CLSTN2: variants seen among roughly 807,000 people sequenced by gnomAD.
CLSTN2 encodes calsyntenin-2.
Under a neutral mutation model 101.2 loss-of-function variants are expected in CLSTN2, and 48 were observed. The ratio of observed to expected loss-of-function variants is 0.47; its 90% CI spans 0.38 to 0.60. The LOEUF (loss-of-function observed/expected upper bound fraction) is 0.60. Among genes scored for constraint, CLSTN2 ranks in the 20% least tolerant of loss-of-function variants. CLSTN2 has a pLI of 0.00. For missense variants in CLSTN2, 1,160 were observed against 1,238.2 expected (o/e 0.94, Z 0.95); for synonymous variants, 481 against 463.6 (o/e 1.04, Z -0.48).
chr3:140,048,514 A>G (rs547396368), intron 1 of CLSTN2, among the ~76,000 whole-genome samples: 15 of 152,346 alleles, frequency 9.8e-5, no homozygotes, highest in African/African-American at 1.7e-4. Context: ...GGCATTGTCC[A>G]CATTCTTTAT....
chr3:140,275,405 T>G (rs996140057), intron 2 of CLSTN2, among the ~76,000 whole-genome samples: 5 of 151,996 alleles, frequency 3.3e-5, no homozygotes, highest in African/African-American at 1.2e-4. Context: ...CTCAGCCTCC[T>G]GAGTAGCTGA....
intron 1 of CLSTN2, among the ~76,000 whole-genome samples, chr3:139,986,329 G>A (rs1454360758): frequency 2.0e-5 from 3 of 152,068 alleles, no homozygotes; most frequent in African/African-American, 7.2e-5. Context: ...GGCTTCTGAG[G>A]CACTAGATAT....
intron 2 of CLSTN2, among the ~76,000 whole-genome samples, chr3:140,355,066 C>A (rs1324710501): frequency 6.6e-6 from 1 of 152,174 alleles, no homozygotes; most frequent in Non-Finnish European, 1.5e-5. Context: ...GGGGAAGGAG[C>A]TGCACCCAGC....
chr3:140,404,447 G>T, intron 3 of CLSTN2, 111 bp from the exon 4 acceptor site: 1 of 903,322 alleles, frequency 1.1e-6, no homozygotes, highest in Non-Finnish European at 1.8e-6. Flanking sequence ...TTGGCTGATG[G>T]TTTCTCCTTT....
At chr3:140,132,620 A>G in intron 1 of CLSTN2, among the ~76,000 whole-genome samples, 1 of 152,226 alleles carries the variant, frequency 6.6e-6, no homozygotes, top group East Asian at 1.9e-4. Flanking sequence ...TGAGGATTAA[A>G]TGAGATGACA....
intron 1 of CLSTN2, among the ~76,000 whole-genome samples, chr3:140,163,235 T>C (rs1179251455): frequency 6.6e-6 from 1 of 152,158 alleles, no homozygotes; most frequent in African/African-American, 2.4e-5. Context: ...TGGATGAGCC[T>C]CATCCAATCA....
intron 8 of CLSTN2, among the ~76,000 whole-genome samples, chr3:140,478,346 A>C (rs1934032319): frequency 6.6e-6 from 1 of 152,262 alleles, no homozygotes; most frequent in East Asian, 1.9e-4. Context: ...AAAAAAAAAA[A>C]AAAAAGCTGT....
At chr3:140,511,923 GCC>G (rs1359792479) in intron 8 of CLSTN2, among the ~76,000 whole-genome samples, 1 of 151,720 alleles carries the variant, frequency 6.6e-6, no homozygotes, top group Non-Finnish European at 1.5e-5. Context: ...ATGTTTGTTG[GCC>G]ACAAGTATGT....
intron 2 of CLSTN2, among the ~76,000 whole-genome samples, chr3:140,367,116 C>T (rs2087799983): frequency 6.6e-6 from 1 of 152,178 alleles, no homozygotes. Context: ...GTGCTTTAGA[C>T]ACCAGAAGAA....
intron 2 of CLSTN2, among the ~76,000 whole-genome samples, chr3:140,381,587 C>G (rs1002496493): frequency 6.6e-6 from 1 of 152,198 alleles, no homozygotes; most frequent in Non-Finnish European, 1.5e-5. Flanking sequence ...TGTGAGTTCT[C>G]ATTGTTCCAC....
At chr3:140,476,907 CCTTGGCCTCCCAAAGTGCTG>C (rs533650146) in intron 8 of CLSTN2, among the ~76,000 whole-genome samples, 2 of 152,260 alleles carry the variant, frequency 1.3e-5, no homozygotes, top group East Asian at 3.9e-4. Flanking sequence ...GATCCACCCG[CCTTGGCCTCCCAAAGTGCTG>C]GGATTACAGG....
At chr3:140,560,964 AAATT>A (rs1428690789) in intron 12 of CLSTN2, among the ~76,000 whole-genome samples, 1 of 152,018 alleles carries the variant, frequency 6.6e-6, no homozygotes, top group Non-Finnish European at 1.5e-5. Context: ...AAGCATTTAA[AAATT>A]AAGATAAAGA....
intron 1 of CLSTN2, among the ~76,000 whole-genome samples, chr3:140,157,211 T>TC (rs397973947): frequency 6.6e-6 from 1 of 151,956 alleles, no homozygotes; most frequent in African/African-American, 2.4e-5. Context: ...GTTTTTTTTT[T>TC]CCCCATTGTG....
intron 1 of CLSTN2, among the ~76,000 whole-genome samples, chr3:139,936,662 G>T (rs1935028404): frequency 6.6e-6 from 1 of 152,186 alleles, no homozygotes; most frequent in African/African-American, 2.4e-5. Context: ...TGCCTATCAG[G>T]CTGCATTACT....
At chr3:140,406,427 C>A (rs1559860704) in intron 4 of CLSTN2, among the ~76,000 whole-genome samples, 1 of 152,156 alleles carries the variant, frequency 6.6e-6, no homozygotes, top group Non-Finnish European at 1.5e-5. Context: ...CAATTACATA[C>A]CTGGATACCA....
chr3:139,947,419 T>C lies in CLSTN2; in HGVS notation c.109+11936T>C, dbSNP rs1427078886. Among the ~76,000 whole-genome samples the C allele has an allele frequency of 4.6e-5, 7 of 152,224 alleles. No homozygotes were observed. The East Asian group carries it at 1.3e-3, about 29-fold the overall frequency. On this transcript the variant is annotated intron_variant, in intron 1 of 16. Coordinates refer to ENST00000458420, the MANE Select transcript of CLSTN2 (RefSeq NM_022131.3). ...CTAAGTAGTGCCTCACAGGGATTAA[T>C]AATCAGGACTTAAAGCCAAGAACTA... is the stretch of plus-strand genomic sequence containing the variant.
chr3:140,052,776 G>C (rs1445055568), intron 1 of CLSTN2, among the ~76,000 whole-genome samples: 1 of 152,194 alleles, frequency 6.6e-6, no homozygotes, highest in Non-Finnish European at 1.5e-5. Context: ...ATGGGCTCTG[G>C]AGCCCAACAA....
In CLSTN2 at chr3:140,006,251, CTTTG is replaced by C. The variant is rs140579457; in HGVS notation, c.109+70772_109+70775del. On this transcript the variant is annotated intron_variant, in intron 1 of 16. Transcript: ENST00000458420. ...TAGACATTTTTGCATGTGCAAGATA[CTTTG>C]TTTAATTCTGAAAAAGAAATTGCAA... Among the ~76,000 whole-genome samples, 253 of 152,282 alleles carry C rather than the reference CTTTG, an allele frequency of 1.7e-3. 1 individual carries two copies. Among genetic ancestry groups the C allele is most frequent in the African/African-American group, 6.0e-3 (248 of 41,556 alleles).
chr3:140,237,006 A>T (rs180831665), intron 2 of CLSTN2, among the ~76,000 whole-genome samples: 100 of 152,142 alleles, frequency 6.6e-4, no homozygotes, highest in African/African-American at 2.3e-3. Flanking sequence ...TCTACGAACT[A>T]TCTCTTCTCC....
Sources: gnomAD v4.1 joint callset for allele counts (sites outside exome capture counted in the v4.1 genomes callset) on GRCh38, gnomAD v4.1.1 for gene constraint, MANE v1.5 for transcripts, NCBI Gene and HGNC (gene_info 2026-07-23, HGNC 2026-07-21) for gene names.